GRIA3: variants seen among roughly 807,000 people sequenced by gnomAD.
The protein encoded by GRIA3 is glutamate receptor 3.
GRIA3 carries 3 observed loss-of-function variants against 63.0 expected under a neutral mutation model. The ratio of observed to expected loss-of-function variants is 0.05; its 90% CI spans 0.02 to 0.12. GRIA3 has a LOEUF of 0.12. Ranked by LOEUF, GRIA3 falls within the 10% of genes least tolerant of loss-of-function variation. The pLI is 1.00. For synonymous variants in GRIA3, 274 were observed against 257.9 expected, an observed-to-expected ratio of 1.06 and a Z score of -0.60; for missense variants, 347 against 700.9, an observed-to-expected ratio of 0.50 and a Z score of 5.70.
intron 10 of GRIA3, among the ~76,000 whole-genome samples, chrX:123,413,174 A>G (rs940171530): frequency 2.7e-5 from 3 of 111,168 alleles, no homozygotes; most frequent in African/African-American, 9.8e-5. Context: ...ATTACCAAGT[A>G]GGGTTTTTTT....
chrX:123,337,239 C>T (rs1434936227), intron 4 of GRIA3, among the ~76,000 whole-genome samples: 1 of 111,798 alleles, frequency 8.9e-6, no homozygotes, highest in Non-Finnish European at 1.9e-5. Flanking sequence ...GTGAATACCA[C>T]CAAGAGAGTG....
chrX:123,334,664 A>G (rs1355552206), intron 4 of GRIA3, among the ~76,000 whole-genome samples: 2 of 111,382 alleles, frequency 1.8e-5, no homozygotes. Flanking sequence ...ATTCAAATTA[A>G]TTTTCATTAG....
At chrX:123,262,814 C>T (rs1008711529) in intron 3 of GRIA3, among the ~76,000 whole-genome samples, 8 of 111,261 alleles carry the variant, frequency 7.2e-5, no homozygotes, top group Non-Finnish European at 7.5e-5. Context: ...AAGTTATAAA[C>T]GTTTCTGAGG....
chrX:123,398,716 G>C lies in GRIA3; in HGVS notation c.993G>C (p.Val331=). 1 of 1,207,576 alleles carries C rather than the reference G, an allele frequency of 8.3e-7. No homozygotes were observed. The highest frequency in any genetic ancestry group is 1.1e-6 in the Non-Finnish European group (1 of 891,946). The change falls in exon 7 of 16, where the codon GTG becomes GTC. Residue 331 remains valine (V), a synonymous_variant. Transcript: ENST00000620443. ...ACCTGAGGAGGCAGCGAGTAGATGT[G>C]TCCCGGAGAGGAAGTGCTGGAGACT... The part of the protein sequence containing the change: ...FRYLRRQRVD[V]SRRGSAGDCL...
chrX:123,410,995 GCA>G (rs2045502362), intron 10 of GRIA3, among the ~76,000 whole-genome samples: 1 of 111,917 alleles, frequency 8.9e-6, no homozygotes, highest in East Asian at 2.8e-4. Flanking sequence ...GCTTGTTGTT[GCA>G]CAGATTTAAA....
rs765942594 is a variant in GRIA3, at chrX:123,198,662, T to A, written c.268+12672T>A. ...AAAAAAAAAGTGGGGAAAGAAAGAA[T>A]TTGCTTGATACCTCAAAAAAGCCAG... On this transcript the variant is annotated intron_variant, in intron 2 of 15. Transcript: ENST00000620443. Among the ~76,000 whole-genome samples, 7 of 111,294 alleles carry A rather than the reference T, an allele frequency of 6.3e-5. No individual in the cohort carries two copies. The East Asian group carries it at 2.0e-3, about 31-fold the overall frequency.
intron 2 of GRIA3, among the ~76,000 whole-genome samples, chrX:123,249,076 C>A (rs1358488672): frequency 9.0e-6 from 1 of 111,488 alleles, no homozygotes; most frequent in Non-Finnish European, 1.9e-5. Flanking sequence ...AAAGATAGCT[C>A]TGGAGTAGGG....
chrX:123,394,552 T>C (rs1431766963), intron 5 of GRIA3, among the ~76,000 whole-genome samples: 8 of 112,484 alleles, frequency 7.1e-5, no homozygotes, highest in Non-Finnish European at 1.5e-4. Flanking sequence ...CAATCCACTG[T>C]GTTTATCATG....
Position 123,268,540 on chromosome X carries a change from A to G in GRIA3, c.508+14998A>G, listed in dbSNP as rs1014825211. ...CATCAGTAAGGTAGAAACCTTAAAA[A>G]CCTTTAATAATCACTTTAACAAATG... On this transcript the variant is annotated intron_variant, in intron 3 of 15. Coordinates refer to ENST00000620443, the MANE Select transcript of GRIA3 (RefSeq NM_007325.5). Among the ~76,000 whole-genome samples the G allele has an allele frequency of 3.6e-5, 4 of 110,514 alleles. No homozygotes were observed. The East Asian group carries it at 8.4e-4, about 23-fold the overall frequency.
intron 5 of GRIA3, among the ~76,000 whole-genome samples, chrX:123,365,866 C>A (rs1240328404): frequency 4.5e-5 from 5 of 111,869 alleles, no homozygotes; most frequent in Non-Finnish European, 9.4e-5. Context: ...AGTAAAGGAA[C>A]AAAGAATAGG....
intron 2 of GRIA3, among the ~76,000 whole-genome samples, chrX:123,237,353 A>C (rs1031228281): frequency 2.1e-4 from 24 of 111,632 alleles, no homozygotes; most frequent in African/African-American, 7.8e-4. Flanking sequence ...TTATGTACAG[A>C]TTCTGTGCTT....
chrX:123,476,116 G>C (rs1223314314), intron 13 of GRIA3, among the ~76,000 whole-genome samples: 1 of 111,310 alleles, frequency 9.0e-6, no homozygotes, highest in Non-Finnish European at 1.9e-5. Flanking sequence ...TTATTGATTT[G>C]ACAAGTATTT....
chrX:123,190,505 T>C (rs1031816906), intron 2 of GRIA3, among the ~76,000 whole-genome samples: 4 of 111,441 alleles, frequency 3.6e-5, no homozygotes, highest in Non-Finnish European at 7.5e-5. Flanking sequence ...TAAAAATAGA[T>C]GGCAATCAGC....
intron 2 of GRIA3, among the ~76,000 whole-genome samples, chrX:123,214,359 G>C (rs767866614): frequency 1.8e-5 from 2 of 111,483 alleles, no homozygotes; most frequent in African/African-American, 6.5e-5. Context: ...TCTGCAACAC[G>C]ACCATATGTA....
chrX:123,216,451 C>A (rs1315206147), intron 2 of GRIA3, among the ~76,000 whole-genome samples: 1 of 111,571 alleles, frequency 9.0e-6, no homozygotes. Flanking sequence ...CTTCTTGGGT[C>A]AGTGGGACAA....
intron 3 of GRIA3, among the ~76,000 whole-genome samples, chrX:123,260,410 C>A (rs145536588): frequency 0.017 from 93 of 5,397 alleles, 10 homozygotes; most frequent in South Asian, 0.094. Context: ...GAAAGACAGA[C>A]AGACAGACAG....
In GRIA3 at chrX:123,450,242, A is replaced by G. The variant is rs763984708; in HGVS notation, c.2077-14623A>G. ...CTGTGACAAGCTAGTGAGTTATCAT[A>G]TTGGTGCCTTTTACCTCGGAGCATC... is the stretch of plus-strand genomic sequence containing the variant. On this transcript the variant is annotated intron_variant, in intron 12 of 15. Transcript: ENST00000620443. 1.1e-4 allele frequency among the ~76,000 whole-genome samples: 12 copies of G among 112,386 alleles called. No individual in the cohort carries two copies. In the South Asian group the frequency reaches 2.9e-3, roughly 28 times the overall value.
At chrX:123,415,732 T>A (rs1228512995) in intron 10 of GRIA3, among the ~76,000 whole-genome samples, 1 of 111,899 alleles carries the variant, frequency 8.9e-6, no homozygotes, top group African/African-American at 3.2e-5. Context: ...AATAAACCCA[T>A]GCTTTCTGCA....
chrX:123,362,647 T>A (rs1480332875), intron 5 of GRIA3, among the ~76,000 whole-genome samples: 1 of 110,591 alleles, frequency 9.0e-6, no homozygotes, highest in Non-Finnish European at 1.9e-5. Context: ...GATTTATGCT[T>A]TTTTAAAAAT....
Sources: gnomAD v4.1 joint callset for allele counts (sites outside exome capture counted in the v4.1 genomes callset) on GRCh38, gnomAD v4.1.1 for gene constraint, MANE v1.5 for transcripts, NCBI Gene and HGNC (gene_info 2026-07-23, HGNC 2026-07-21) for gene names.